Variants in PAIP1 observed in about 807,000 individuals in gnomAD.
PAIP1 encodes the protein poly(A) binding protein interacting protein 1, also known as polyadenylate-binding protein-interacting protein 1.
A neutral mutation model predicts 61.3 loss-of-function variants in PAIP1; 16 were observed. The observed-to-expected ratio is 0.26, with a 90% CI of 0.18 to 0.40. The LOEUF (loss-of-function observed/expected upper bound fraction) is 0.40, where lower values mean the gene tolerates loss of function less well. PAIP1 is among the 10% of genes least tolerant of loss of function. The probability of loss-of-function intolerance (pLI) is 1.00; values close to 1 mark genes in which losing one functional copy is unlikely to be tolerated. For synonymous variants in PAIP1, 187 were observed against 226.2 expected, an observed-to-expected ratio of 0.83 and a Z score of 1.56; for missense variants, 416 against 600.9, an observed-to-expected ratio of 0.69 and a Z score of 3.22.
chr5:43,536,650 T>G (rs1226017195), intron 6 of PAIP1, among the ~76,000 whole-genome samples, 169 bp downstream of exon 6: 2 of 152,194 alleles, frequency 1.3e-5, no homozygotes, highest in Non-Finnish European at 2.9e-5. Context: ...GCTTCATATA[T>G]TAAACAATAA....
At chr5:43,529,675 A>AT in intron 10 of PAIP1, 111 bp downstream of exon 10, 1 of 724,490 alleles carries the variant, frequency 1.4e-6, no homozygotes, top group East Asian at 2.5e-5. Flanking sequence ...TACAGGCACG[A>AT]GCCACTGCGC....
At chr5:43,543,310 C>CAAAAAAAAAAAAAAAAAAA (rs11427976) in intron 3 of PAIP1, among the ~76,000 whole-genome samples, 194 bp from the exon 4 acceptor site, 1 of 96,042 alleles carries the variant, frequency 1.0e-5, no homozygotes. Context: ...ACAATAAGTA[C>CAAAAAAAAAAAAAAAAAAA]AAAAAAAAAA....
rs1746735087 is a variant in PAIP1 at position 43,526,987 on chromosome 5, A to AC, written c.*388dup. The AC allele has an allele frequency of 6.5e-6, 1 of 153,436 alleles. No individual in the cohort carries two copies. Among genetic ancestry groups the AC allele is most frequent in the South Asian group, 2.1e-4 (1 of 4,840 alleles). The allele number at this position is 153,436 out of a possible 1,614,324, so 9.5% of individuals were successfully genotyped here. A position where few individuals can be genotyped will look rare whatever the true frequency, so the allele number is the denominator to read the frequency against. ...CTAAAATGAAAGCTATAATACTCCT[A>AC]CCTAAAAAAGGATGCTACATTTTTG... On this transcript the variant is annotated 3_prime_UTR_variant, in exon 11 of 11. Coordinates refer to ENST00000306846, the MANE Select transcript of PAIP1 (RefSeq NM_006451.5).
At chr5:43,548,019 T>C in intron 2 of PAIP1, 106 bp from the exon 3 acceptor site, 1 of 632,258 alleles carries the variant, frequency 1.6e-6, no homozygotes, top group African/African-American at 1.9e-5. Flanking sequence ...CCTCACATGA[T>C]AAAAATTTAT....
chr5:43,527,061 G>C lies in PAIP1; in HGVS notation c.*315C>G, dbSNP rs1408868899. On this transcript the variant is annotated 3_prime_UTR_variant, in exon 11 of 11. Coordinates refer to ENST00000306846, the MANE Select transcript of PAIP1 (RefSeq NM_006451.5). ...AGACTTTTTCCCCTCAAGAAAAGTA[G>C]AATTTAAAGGATAAGCATCTAACCA... is the stretch of plus-strand genomic sequence containing the variant. The C allele has an allele frequency of 1.2e-5, 2 of 171,382 alleles. No homozygotes were observed. Among genetic ancestry groups the C allele is most frequent in the Admixed American group, 1.3e-4 (2 of 15,842 alleles). 10.6% of individuals were successfully genotyped at this position (171,382 alleles called of 1,614,324 possible).
At chr5:43,555,714 TAAAA>T in intron 2 of PAIP1, 112 bp downstream of exon 2, 1 of 738,458 alleles carries the variant, frequency 1.4e-6, no homozygotes, top group Non-Finnish European at 2.2e-6. Flanking sequence ...ACATTCACAA[TAAAA>T]AAATTTTTTT....
chr5:43,556,554 G>T (rs1011251126), intron 1 of PAIP1, 28 bp downstream of exon 1: 3 of 1,246,000 alleles, frequency 2.4e-6, no homozygotes, highest in South Asian at 4.0e-5. Flanking sequence ...CGCCAAGGAG[G>T]ACTGGGGCCC....
At chr5:43,529,687 T>G in intron 10 of PAIP1, 99 bp downstream of exon 10, 1 of 757,076 alleles carries the variant, frequency 1.3e-6, no homozygotes, top group Non-Finnish European at 2.4e-6. Flanking sequence ...CCACTGCGCC[T>G]GGCCCCAAAC....
At chr5:43,555,456 T>A (rs1341895259) in intron 2 of PAIP1, among the ~76,000 whole-genome samples, 1 of 152,244 alleles carries the variant, frequency 6.6e-6, no homozygotes, top group Non-Finnish European at 1.5e-5. Flanking sequence ...AGTTGTTATA[T>A]AAGTGACAAA....
At position 43,556,838 on chromosome 5, in the gene PAIP1, G is replaced by T. The variant is rs988094289; in HGVS notation, c.9C>A (p.Asp3Glu). Residue 3 changes from aspartate to glutamate, a missense_variant, in exon 1 of 11, where the codon GAC becomes GAA. Around this residue, in one of 4 missense-constraint regions of PAIP1, gnomAD observed 97 missense variants for 89.5 expected, o/e 1.08. Transcript: ENST00000306846. Reference protein sequence around the residue: MSDGFDRAPGAGR... With the variant: MSEGFDRAPGAGR... ...CAGCACCTGGGGCCCGATCGAAACCGTCCGACATGCTCCTCCTCCTCCGCC... is the reference window on the plus strand; with the variant it reads ...CAGCACCTGGGGCCCGATCGAAACCTTCCGACATGCTCCTCCTCCTCCGCC... 8.3e-6 allele frequency: 12 copies of T among 1,443,352 alleles called. No homozygotes were observed. In the East Asian group the frequency reaches 1.2e-4, roughly 15 times the overall value. 89.4% of individuals were successfully genotyped at this position (1,443,352 alleles called of 1,614,324 possible).
chr5:43,527,392 C>T lies in PAIP1; in HGVS notation c.1424G>A (p.Arg475His), dbSNP rs202074856. 1.0e-4 allele frequency: 160 copies of T among 1,596,676 alleles called. 2 individuals carry two copies. In the East Asian group the frequency reaches 1.8e-3, roughly 18 times the overall value. ...AATTTAACTTTACTGTTTTCGCTTA[C>T]GCTCTGATTCCAAACAAAACTTTTC... Reference protein sequence around the residue: ...AYEKFCLESERKRKQ With the variant: ...AYEKFCLESEHKRKQ The change falls in exon 11 of 11, where the codon CGT becomes CAT. Residue 475 changes from arginine to histidine, a missense_variant. Arg to His is a conservative substitution (Grantham distance 29, BLOSUM62 0). Transcript: ENST00000306846.
At chr5:43,554,205 A>G (rs1747975562) in intron 2 of PAIP1, among the ~76,000 whole-genome samples, 1 of 152,250 alleles carries the variant, frequency 6.6e-6, no homozygotes, top group African/African-American at 2.4e-5. Context: ...CACGATTATT[A>G]CATACACAAA....
At chr5:43,556,453 CCTCTCGGGGAATG>C (rs937243904) in intron 1 of PAIP1, 116 bp downstream of exon 1, 52 of 1,206,040 alleles carry the variant, frequency 4.3e-5, no homozygotes, top group Non-Finnish European at 4.9e-5. Context: ...GTCACGCGGC[CCTCTCGGGGAATG>C]CTTTCGGGGA....
intron 2 of PAIP1, among the ~76,000 whole-genome samples, chr5:43,554,057 G>A (rs1025878179): frequency 1.3e-5 from 2 of 152,210 alleles, no homozygotes; most frequent in African/African-American, 4.8e-5. Flanking sequence ...GGTAAATTGA[G>A]CACAGGAGGT....
intron 3 of PAIP1, among the ~76,000 whole-genome samples, chr5:43,543,615 T>C (rs1000174906): frequency 6.6e-6 from 1 of 151,472 alleles, no homozygotes; most frequent in African/African-American, 2.4e-5. Context: ...TGATTAATGG[T>C]AACTGGCACA....
intron 3 of PAIP1, among the ~76,000 whole-genome samples, chr5:43,547,372 A>G (rs1323265321): frequency 6.6e-6 from 1 of 152,160 alleles, no homozygotes; most frequent in African/African-American, 2.4e-5. Flanking sequence ...TGCTAATTTC[A>G]GAGCCTGCAA....
intron 4 of PAIP1, among the ~76,000 whole-genome samples, chr5:43,542,533 C>CAA (rs35220672): frequency 0.038 from 2,361 of 61,932 alleles, 98 homozygotes; most frequent in African/African-American, 0.12. Context: ...GACTCCATCT[C>CAA]AAAAAAAAAA....
At chr5:43,544,755 A>G (rs1747563541) in intron 3 of PAIP1, among the ~76,000 whole-genome samples, 1 of 152,160 alleles carries the variant, frequency 6.6e-6, no homozygotes, top group African/African-American at 2.4e-5. Context: ...ACAACACATA[A>G]TTTATTCAGC....
At chr5:43,553,997 G>C (rs1747964004) in intron 2 of PAIP1, among the ~76,000 whole-genome samples, 1 of 152,158 alleles carries the variant, frequency 6.6e-6, no homozygotes, top group African/African-American at 2.4e-5. Flanking sequence ...GGCTAGAGAA[G>C]ACACCTGCAG....
Sources: gnomAD v4.1 joint callset for allele counts (sites outside exome capture counted in the v4.1 genomes callset) on GRCh38, gnomAD v4.1.1 for gene constraint, gnomAD v4.1.1 regional missense constraint, MANE v1.5 for transcripts, NCBI Gene and HGNC (gene_info 2026-07-23, HGNC 2026-07-21) for gene names.